The following PTH2R variants were observed in gnomAD, a reference collection of about 807,000 sequenced individuals.
The protein encoded by PTH2R is parathyroid hormone 2 receptor.
PTH2R carries 59 observed loss-of-function variants against 60.3 expected under a neutral mutation model. The observed-to-expected ratio is 0.98, with a 90% CI of 0.79 to 1.22. The LOEUF is 1.22. Among genes scored for constraint, PTH2R ranks in the 50% most tolerant of loss-of-function variants. The pLI, the probability that PTH2R is intolerant of heterozygous loss-of-function variation, is 0.00. For missense variants in PTH2R, 749 were observed against 682.6 expected (o/e 1.10, Z -1.08); for synonymous variants, 256 against 243.8 (o/e 1.05, Z -0.47).
chr2:208,471,760 C>A (rs915770705), intron 9 of PTH2R, among the ~76,000 whole-genome samples: 1 of 152,172 alleles, frequency 6.6e-6, no homozygotes, highest in African/African-American at 2.4e-5. Context: ...GTCCTCCAGA[C>A]CCCAGAATGG....
At chr2:208,458,934 C>T (rs759112543) in intron 8 of PTH2R, among the ~76,000 whole-genome samples, 16 of 152,004 alleles carry the variant, frequency 1.1e-4, no homozygotes, top group African/African-American at 2.9e-4. Context: ...TGTGTCTTTA[C>T]GGTAGAATGC....
chr2:208,363,856 T>A (rs1700528442), intron 1 of PTH2R, among the ~76,000 whole-genome samples: 1 of 152,206 alleles, frequency 6.6e-6, no homozygotes, highest in Admixed American at 6.5e-5. Context: ...CACTTTTTAA[T>A]GGGCTTGTTT....
At chr2:208,365,236 C>T (rs1169790522) in intron 1 of PTH2R, among the ~76,000 whole-genome samples, 2 of 152,002 alleles carry the variant, frequency 1.3e-5, no homozygotes, top group African/African-American at 4.8e-5. Context: ...GACATTTTTG[C>T]CTTGTTCTTA....
intron 4 of PTH2R, among the ~76,000 whole-genome samples, chr2:208,441,738 A>G (rs1048706756): frequency 6.6e-6 from 1 of 152,242 alleles, no homozygotes; most frequent in African/African-American, 2.4e-5. Flanking sequence ...TCTGTACTTG[A>G]TTACAGTAAT....
At chr2:208,457,345 AT>A (rs1365287260) in intron 8 of PTH2R, among the ~76,000 whole-genome samples, 1 of 152,230 alleles carries the variant, frequency 6.6e-6, no homozygotes, top group Non-Finnish European at 1.5e-5. Context: ...CAAGTGTAAG[AT>A]TTTTGTGTCT....
At chr2:208,478,853 G>A (rs969390305) in intron 9 of PTH2R, among the ~76,000 whole-genome samples, 2 of 152,232 alleles carry the variant, frequency 1.3e-5, no homozygotes, top group South Asian at 4.1e-4. Flanking sequence ...TGTGCCTCAG[G>A]TTCCTCATCT....
intron 1 of PTH2R, among the ~76,000 whole-genome samples, chr2:208,422,188 C>T (rs2105847852): frequency 6.6e-6 from 1 of 152,284 alleles, no homozygotes; most frequent in East Asian, 1.9e-4. Flanking sequence ...CCTTCTTCCT[C>T]TGCCTTTTAT....
At chr2:208,487,022 A>G (rs1177519683) in intron 10 of PTH2R, among the ~76,000 whole-genome samples, 1 of 152,174 alleles carries the variant, frequency 6.6e-6, no homozygotes, top group African/African-American at 2.4e-5. Context: ...GGCAGAGGAC[A>G]ATGAGGTGTA....
chr2:208,427,895 AT>A (rs1399404952), intron 1 of PTH2R, among the ~76,000 whole-genome samples: 1 of 150,748 alleles, frequency 6.6e-6, no homozygotes, highest in African/African-American at 2.4e-5. Flanking sequence ...TATTTTAAAT[AT>A]TTTTTCTTAG....
intron 5 of PTH2R, among the ~76,000 whole-genome samples, chr2:208,442,871 G>C (rs1702214826): frequency 6.6e-6 from 1 of 152,062 alleles, no homozygotes; most frequent in Non-Finnish European, 1.5e-5. Context: ...ACTTTAACAT[G>C]TGTCCAATTC....
chr2:208,489,459 G>A (rs1034037960), intron 11 of PTH2R, among the ~76,000 whole-genome samples: 6 of 152,056 alleles, frequency 3.9e-5, no homozygotes, highest in African/African-American at 1.4e-4. Flanking sequence ...CTCTGCTTGT[G>A]TGTATGGAAG....
chr2:208,477,881 T>G (rs1428473687), intron 9 of PTH2R, among the ~76,000 whole-genome samples: 1 of 147,542 alleles, frequency 6.8e-6, no homozygotes, highest in Admixed American at 6.8e-5. Flanking sequence ...TTAAAAAAAT[T>G]ACTACTAGTA....
chr2:208,467,237 T>C (rs1024843512), intron 9 of PTH2R, among the ~76,000 whole-genome samples: 19 of 152,196 alleles, frequency 1.2e-4, no homozygotes, highest in African/African-American at 4.3e-4. Flanking sequence ...TTTGTTATAA[T>C]AGCAAACAAA....
At chr2:208,452,995 C>T (rs1470619115) in intron 8 of PTH2R, among the ~76,000 whole-genome samples, 1 of 152,170 alleles carries the variant, frequency 6.6e-6, no homozygotes, top group East Asian at 1.9e-4. Flanking sequence ...AAGAGGGATT[C>T]TTTCTACAGT....
At chr2:208,467,737 CA>C (rs147530262) in intron 9 of PTH2R, among the ~76,000 whole-genome samples, 6,993 of 152,226 alleles carry the variant, frequency 0.046, 323 homozygotes, top group African/African-American at 0.11. Flanking sequence ...AACTGAGAGA[CA>C]GGGATGCTAT....
At chr2:208,422,319 G>A (rs534383611) in intron 1 of PTH2R, among the ~76,000 whole-genome samples, 55 of 152,170 alleles carry the variant, frequency 3.6e-4, no homozygotes, top group Admixed American at 1.5e-3. Context: ...TAGACACACC[G>A]GAAACAAATG....
At chr2:208,415,850 G>T (rs1159714012) in intron 1 of PTH2R, among the ~76,000 whole-genome samples, 2 of 152,266 alleles carry the variant, frequency 1.3e-5, no homozygotes, top group African/African-American at 4.8e-5. Context: ...GCTAAGCGAG[G>T]AAAGCCATTT....
At position 208,374,136 on chromosome 2, in the gene PTH2R, C is replaced by T. The variant is rs138312238; in HGVS notation, c.-259+13899C>T. Among the ~76,000 whole-genome samples, 39 of 151,672 alleles carry T rather than the reference C, an allele frequency of 2.6e-4. 1 individual carries two copies. The East Asian group carries it at 7.3e-3, about 29-fold the overall frequency. The stretch of plus-strand genomic sequence containing the variant: ...TTTTTTGACTATCAAAATACTTTCA[C>T]ATTTCTTCAATTCAAAGAACAACTG... On this transcript the variant is annotated intron_variant, in intron 1 of 12. Coordinates refer to the PTH2R transcript ENST00000617735.
chr2:208,378,606 C>A (rs1405253857), intron 1 of PTH2R, among the ~76,000 whole-genome samples: 2 of 151,966 alleles, frequency 1.3e-5, no homozygotes, highest in African/African-American at 4.8e-5. Flanking sequence ...CCCAGAGAGC[C>A]CTTTCACCCT....
Sources: gnomAD v4.1 joint callset for allele counts (sites outside exome capture counted in the v4.1 genomes callset) on GRCh38, gnomAD v4.1.1 for gene constraint, MANE v1.5 for transcripts, NCBI Gene and HGNC (gene_info 2026-07-23, HGNC 2026-07-21) for gene names.